Variants in HORMAD2 observed in about 807,000 individuals in gnomAD.
The protein encoded by HORMAD2 is HORMA domain containing 2, also known as HORMA domain-containing protein 2.
A neutral mutation model predicts 38.8 loss-of-function variants in HORMAD2; 45 were observed. That is an observed-to-expected ratio of 1.16 (90% confidence interval 0.91 to 1.49). The LOEUF is 1.49. HORMAD2 is among the 40% of genes most tolerant of loss of function. The pLI is 0.00. For synonymous variants in HORMAD2, 126 were observed against 122.8 expected, an observed-to-expected ratio of 1.03 and a Z score of -0.17; for missense variants, 338 against 367.0, an observed-to-expected ratio of 0.92 and a Z score of 0.65.
At chr22:30,087,428 G>T (rs952413591) in intron 1 of HORMAD2, among the ~76,000 whole-genome samples, 7 of 152,214 alleles carry the variant, frequency 4.6e-5, no homozygotes, top group Admixed American at 4.6e-4. Flanking sequence ...CAATAAGATA[G>T]AAGTTATACT....
At chr22:30,124,991 T>G (rs983465773) in intron 10 of HORMAD2, among the ~76,000 whole-genome samples, 27 of 152,238 alleles carry the variant, frequency 1.8e-4, no homozygotes, top group African/African-American at 6.3e-4. Flanking sequence ...GATGTTAATT[T>G]GAATTTCTCT....
At chr22:30,205,472 C>A in the HORMAD2 span, among the ~76,000 whole-genome samples, 2 of 152,176 alleles carry the variant, frequency 1.3e-5, no homozygotes, top group Non-Finnish European at 2.9e-5. Flanking sequence ...AGGCCGGTGA[C>A]TGGCCCAAGG....
chr22:30,152,078 A>G (rs569853841), intron 10 of HORMAD2, among the ~76,000 whole-genome samples: 7 of 152,096 alleles, frequency 4.6e-5, no homozygotes, highest in African/African-American at 1.4e-4. Context: ...TTTTCCATGC[A>G]GAAAGCTGGC....
At chr22:30,199,814 G>A in the HORMAD2 span, among the ~76,000 whole-genome samples, 1 of 150,804 alleles carries the variant, frequency 6.6e-6, no homozygotes, top group African/African-American at 2.4e-5. Flanking sequence ...CAGTGATGAT[G>A]ACGAGTCAAG....
At chr22:30,129,903 A>C (rs888497170) in intron 10 of HORMAD2, among the ~76,000 whole-genome samples, 7 of 152,184 alleles carry the variant, frequency 4.6e-5, no homozygotes, top group African/African-American at 1.7e-4. Flanking sequence ...GTATGGTAGC[A>C]TCAGAAATTC....
At chr22:30,122,340 C>A in intron 10 of HORMAD2, 126 bp downstream of exon 10, 1 of 778,224 alleles carries the variant, frequency 1.3e-6, no homozygotes, top group Non-Finnish European at 1.9e-6. Context: ...TAGTCTCTGA[C>A]ATCAAGGAGT....
At chr22:30,153,082 A>T (rs5763821) in intron 10 of HORMAD2, among the ~76,000 whole-genome samples, 8 of 137,962 alleles carry the variant, frequency 5.8e-5, no homozygotes, top group African/African-American at 1.5e-4. Context: ...GTTTCCCCCC[A>T]TCTCAGCACC....
intron 10 of HORMAD2, among the ~76,000 whole-genome samples, chr22:30,173,661 A>G (rs749011100): frequency 2.0e-5 from 3 of 152,232 alleles, no homozygotes; most frequent in African/African-American, 7.2e-5. Context: ...GGATACACAC[A>G]TGGATCTGAA....
chr22:30,200,731 GTATTATTATTAT>G, the HORMAD2 span, among the ~76,000 whole-genome samples: 292 of 141,542 alleles, frequency 2.1e-3, 1 homozygote, highest in Middle Eastern at 0.011. Context: ...CAACAGAAAT[GTATTATTATTAT>G]TATTATTATT....
intron 1 of HORMAD2, among the ~76,000 whole-genome samples, chr22:30,089,413 C>A (rs1474624361): frequency 1.3e-5 from 2 of 148,600 alleles, no homozygotes; most frequent in South Asian, 2.1e-4. Context: ...AGTGCAGTGG[C>A]GCAATCTTGG....
intron 1 of HORMAD2, 26 bp from the exon 2 acceptor site, chr22:30,093,890 C>T: frequency 8.5e-7 from 1 of 1,173,644 alleles, no homozygotes; most frequent in Non-Finnish European, 1.2e-6. Context: ...GGCAAGGTCT[C>T]TAATTAATTA....
intron 10 of HORMAD2, among the ~76,000 whole-genome samples, chr22:30,135,933 A>G (rs1008263820): frequency 3.1e-4 from 47 of 152,354 alleles, no homozygotes; most frequent in African/African-American, 1.1e-3. Flanking sequence ...AAGCAGCAGG[A>G]AAACTGATCC....
At chr22:30,138,243 ATT>A (rs34611740) in intron 10 of HORMAD2, among the ~76,000 whole-genome samples, 6 of 142,592 alleles carry the variant, frequency 4.2e-5, no homozygotes, top group African/African-American at 2.6e-5. Context: ...TCTTTTGCCC[ATT>A]TTTTTTTTTT....
chr22:30,190,572 T>C, the HORMAD2 span, among the ~76,000 whole-genome samples: 25 of 152,260 alleles, frequency 1.6e-4, no homozygotes, highest in East Asian at 3.7e-3. Flanking sequence ...TCCAGTAAGG[T>C]TGAAGCACTC....
chr22:30,129,122 G>A (rs1046560902), intron 10 of HORMAD2, among the ~76,000 whole-genome samples: 4 of 149,986 alleles, frequency 2.7e-5, no homozygotes, highest in East Asian at 4.1e-4. Flanking sequence ...GGAGGCTGAG[G>A]CAGGAGAATG....
chr22:30,103,621 CCT>C, intron 4 of HORMAD2, 121 bp downstream of exon 4: 2 of 494,452 alleles, frequency 4.0e-6, no homozygotes, highest in African/African-American at 2.2e-5. Context: ...TTCTACTTTC[CCT>C]CTTTCTTTTT....
At chr22:30,121,541 T>C (rs1601540824) in intron 8 of HORMAD2, 91 bp from the exon 9 acceptor site, 1 of 994,000 alleles carries the variant, frequency 1.0e-6, no homozygotes, top group Non-Finnish European at 1.4e-6. Context: ...GTTTAATTTA[T>C]ATTTACTCAC....
At chr22:30,082,008 ATGTCCTTT>A in intron 1 of HORMAD2, among the ~76,000 whole-genome samples, 1 of 152,222 alleles carries the variant, frequency 6.6e-6, no homozygotes, top group East Asian at 1.9e-4. Context: ...CACCCTCCAG[ATGTCCTTT>A]TGTTTCAGCA....
chr22:30,124,451 T>C (rs1247828203), intron 10 of HORMAD2, among the ~76,000 whole-genome samples: 2 of 152,198 alleles, frequency 1.3e-5, no homozygotes. Context: ...ACATTGCTAC[T>C]CCCTTAGAAG....
Sources: allele counts gnomAD v4.1 joint callset (sites outside exome capture counted in the v4.1 genomes callset), GRCh38; gene constraint gnomAD v4.1.1; transcripts MANE v1.5; gene names NCBI Gene and HGNC (gene_info 2026-07-23, HGNC 2026-07-21).